RFX3: variants seen among roughly 807,000 people sequenced by gnomAD.
RFX3 encodes transcription factor RFX3.
In RFX3, 14 loss-of-function variants were observed where a neutral mutation model predicts 98.6. The ratio of observed to expected loss-of-function variants is 0.14; its 90% CI spans 0.09 to 0.22. The LOEUF (loss-of-function observed/expected upper bound fraction) is 0.22. Ranked by LOEUF, RFX3 falls within the 10% of genes least tolerant of loss-of-function variation. The probability of loss-of-function intolerance (pLI) is 1.00; values close to 1 mark genes in which losing one functional copy is unlikely to be tolerated. For synonymous variants in RFX3, 383 were observed against 328.4 expected (o/e 1.17, Z -1.80); for missense variants, 639 against 926.9 (o/e 0.69, Z 4.03).
intron 12 of RFX3, 32 bp from the exon 13 acceptor site, chr9:3,263,116 G>C (rs367890793): frequency 6.2e-7 from 1 of 1,600,740 alleles, no homozygotes; most frequent in Non-Finnish European, 8.5e-7. Context: ...TTGGGATTCT[G>C]TTTCCTCCAG....
At chr9:3,356,288 A>T (rs1835764097) in intron 2 of RFX3, among the ~76,000 whole-genome samples, 1 of 151,882 alleles carries the variant, frequency 6.6e-6, no homozygotes, top group African/African-American at 2.4e-5. Context: ...CTTATCAAAG[A>T]GAAAAAGAAG....
At chr9:3,316,664 C>A (rs904224938) in intron 4 of RFX3, among the ~76,000 whole-genome samples, 8 of 152,182 alleles carry the variant, frequency 5.3e-5, no homozygotes, top group Non-Finnish European at 1.2e-4. Context: ...AGCTGATAAG[C>A]AACTTCAGCA....
intron 1 of RFX3, among the ~76,000 whole-genome samples, chr9:3,446,658 C>A (rs1446655992): frequency 2.0e-5 from 3 of 150,832 alleles, no homozygotes; most frequent in Admixed American, 2.0e-4. Context: ...TCCTTTCCTT[C>A]TCAATTCTTT....
At chr9:3,335,412 T>C (rs1046040638) in intron 3 of RFX3, among the ~76,000 whole-genome samples, 1 of 152,214 alleles carries the variant, frequency 6.6e-6, no homozygotes, top group Non-Finnish European at 1.5e-5. Flanking sequence ...TCATCTTTTA[T>C]ATTGTATACT....
At chr9:3,236,688 G>C (rs1483824053) in intron 15 of RFX3, among the ~76,000 whole-genome samples, 1 of 152,186 alleles carries the variant, frequency 6.6e-6, no homozygotes, top group African/African-American at 2.4e-5. Context: ...ACACAAAGCA[G>C]ACACCACATT....
At chr9:3,463,783 C>A (rs371804022) in intron 1 of RFX3, among the ~76,000 whole-genome samples, 1 of 151,598 alleles carries the variant, frequency 6.6e-6, no homozygotes, top group Non-Finnish European at 1.5e-5. Flanking sequence ...CCAGCCTGGG[C>A]GACATAGGGA....
At chr9:3,457,574 A>AT (rs1398782900) in intron 1 of RFX3, among the ~76,000 whole-genome samples, 7 of 151,630 alleles carry the variant, frequency 4.6e-5, no homozygotes, top group Admixed American at 1.3e-4. Context: ...TTTTATTATT[A>AT]TTTTTTTTCA....
chr9:3,448,584 C>A (rs1587707829), intron 1 of RFX3, among the ~76,000 whole-genome samples: 1 of 152,230 alleles, frequency 6.6e-6, no homozygotes, highest in East Asian at 1.9e-4. Context: ...GCCATCATAG[C>A]GTGAATTGCA....
chr9:3,358,710 C>A (rs1836056934), intron 2 of RFX3, among the ~76,000 whole-genome samples: 1 of 151,950 alleles, frequency 6.6e-6, no homozygotes, highest in African/African-American at 2.4e-5. Flanking sequence ...TGAAAAAATA[C>A]CTGAGACTGG....
At chr9:3,514,001 C>T (rs1207483720) in intron 1 of RFX3, among the ~76,000 whole-genome samples, 1 of 152,090 alleles carries the variant, frequency 6.6e-6, no homozygotes, top group Admixed American at 6.5e-5. Flanking sequence ...AATATTTTAA[C>T]CTCCTATAAT....
At chr9:3,271,925 C>T (rs1046057545) in intron 9 of RFX3, among the ~76,000 whole-genome samples, 9 of 152,086 alleles carry the variant, frequency 5.9e-5, no homozygotes, top group African/African-American at 2.2e-4. Flanking sequence ...CTCTGCATAC[C>T]TCCTTTACGG....
At chr9:3,338,391 T>G (rs1429910931) in intron 3 of RFX3, among the ~76,000 whole-genome samples, 1 of 152,260 alleles carries the variant, frequency 6.6e-6, no homozygotes. Flanking sequence ...AATAACTTAC[T>G]GAGTTTTCTC....
chr9:3,353,482 G>A (rs1011097938), intron 2 of RFX3, among the ~76,000 whole-genome samples: 3 of 152,094 alleles, frequency 2.0e-5, no homozygotes, highest in African/African-American at 7.2e-5. Flanking sequence ...TTTCTGAACT[G>A]CACAAGTGTA....
At position 3,275,440 on chromosome 9, in the gene RFX3, T is replaced by C. The variant is rs577507251; in HGVS notation, c.1086+60A>G. On this transcript the variant is annotated intron_variant, in intron 9 of 16. Coordinates refer to ENST00000617270, the MANE Select transcript of RFX3 (RefSeq NM_001282116.2). ...TTTAGGAATAAGCTTGATTATTTTA[T>C]ATTAGCAAGTTATCTGGCAAAACCT... 4 of 928,228 alleles carry C rather than the reference T, an allele frequency of 4.3e-6. No individual in the cohort carries two copies. In the East Asian group the frequency reaches 9.8e-5, roughly 23 times the overall value. The allele number at this position is 928,228 out of a possible 1,614,324, so 57.5% of individuals were successfully genotyped here. A position where few individuals can be genotyped will look rare whatever the true frequency, so the allele number is the denominator to read the frequency against.
At chr9:3,254,708 C>G (rs1173093776) in intron 14 of RFX3, among the ~76,000 whole-genome samples, 1 of 152,060 alleles carries the variant, frequency 6.6e-6, no homozygotes, top group African/African-American at 2.4e-5. Context: ...TGGCTGAAAT[C>G]TTAAAAAATA....
chr9:3,453,070 G>A (rs1048449653), intron 1 of RFX3, among the ~76,000 whole-genome samples: 4 of 152,054 alleles, frequency 2.6e-5, no homozygotes, highest in African/African-American at 4.8e-5. Context: ...ATAACAGTAC[G>A]CACATCCCGT....
At chr9:3,371,080 T>G (rs1837789724) in intron 2 of RFX3, among the ~76,000 whole-genome samples, 1 of 152,188 alleles carries the variant, frequency 6.6e-6, no homozygotes, top group African/African-American at 2.4e-5. Context: ...AGGAGTAAAG[T>G]CATTCAATTT....
At chr9:3,487,260 A>C (rs1424160977) in intron 1 of RFX3, among the ~76,000 whole-genome samples, 1 of 152,246 alleles carries the variant, frequency 6.6e-6, no homozygotes. Flanking sequence ...AATTCAAGCA[A>C]TATTTTAAGC....
At chr9:3,504,949 A>ACATTT (rs1564185962) in intron 1 of RFX3, among the ~76,000 whole-genome samples, 1 of 23,538 alleles carries the variant, frequency 4.2e-5, no homozygotes, top group African/African-American at 1.4e-4. Flanking sequence ...TATATAATAT[A>ACATTT]ATATATATTA....
Sources: gnomAD v4.1 joint callset for allele counts (sites outside exome capture counted in the v4.1 genomes callset) on GRCh38, gnomAD v4.1.1 for gene constraint, MANE v1.5 for transcripts, NCBI Gene and HGNC (gene_info 2026-07-23, HGNC 2026-07-21) for gene names.